KIF27: variants seen among roughly 807,000 people sequenced by gnomAD.
KIF27 encodes kinesin-like protein KIF27.
In KIF27, 84 loss-of-function variants were observed where a neutral mutation model predicts 141.8. That is an observed-to-expected ratio of 0.59 (90% CI 0.50 to 0.71). KIF27 has a LOEUF of 0.71. Among genes scored for constraint, KIF27 ranks in the 30% least tolerant of loss-of-function variants. The pLI, the probability that KIF27 is intolerant of heterozygous loss-of-function variation, is 0.00. For missense variants in KIF27, 1,306 were observed against 1,628.4 expected (o/e 0.80, Z 3.41); for synonymous variants, 471 against 569.5 (o/e 0.83, Z 2.46).
At chr9:83,868,988 T>C (rs2132022001) in intron 12 of KIF27, among the ~76,000 whole-genome samples, 1 of 151,966 alleles carries the variant, frequency 6.6e-6, no homozygotes, top group African/African-American at 2.4e-5. Flanking sequence ...TAGGAGATCC[T>C]AGGAAGTCTA....
intron 5 of KIF27, among the ~76,000 whole-genome samples, chr9:83,894,404 C>T (rs1368113925): frequency 2.0e-5 from 3 of 152,188 alleles, no homozygotes; most frequent in Admixed American, 1.3e-4. Context: ...TTTAGAAGAC[C>T]TGCTATGAGG....
chr9:83,881,943 C>T (rs72749124), intron 10 of KIF27, among the ~76,000 whole-genome samples: 1,775 of 152,232 alleles, frequency 0.012, 16 homozygotes, highest in Middle Eastern at 0.034. Flanking sequence ...GCATGTAACG[C>T]TCTACATATA....
At chr9:83,917,661 G>A (rs1236965729) in intron 1 of KIF27, among the ~76,000 whole-genome samples, 1 of 152,088 alleles carries the variant, frequency 6.6e-6, no homozygotes, top group Non-Finnish European at 1.5e-5. Flanking sequence ...CACATTCATG[G>A]GCAAGTGATT....
intron 7 of KIF27, 137 bp from the exon 8 acceptor site, chr9:83,888,729 C>G (rs1426671886): frequency 2.6e-6 from 1 of 388,256 alleles, no homozygotes; most frequent in Non-Finnish European, 4.4e-6. Context: ...TAATATTGCT[C>G]AAAATAAAAG....
intron 9 of KIF27, among the ~76,000 whole-genome samples, chr9:83,884,739 G>A (rs1177480475): frequency 1.3e-5 from 2 of 152,148 alleles, no homozygotes; most frequent in African/African-American, 4.8e-5. Flanking sequence ...GCCTCAAAAT[G>A]TGTCTCACAA....
rs1313017565 is a variant in KIF27 at position 83,834,915 on chromosome 9, G to GTA, written c.*2084_*2085dup. ...ATGTATAACCTATATCTATATACAAGTATATATATAATACTATATATATAC... is the reference window on the plus strand; with the variant it reads ...ATGTATAACCTATATCTATATACAAGTATATATATATAATACTATATATATAC... On this transcript the variant is annotated 3_prime_UTR_variant, in exon 18 of 18. Transcript: ENST00000297814. Among the ~76,000 whole-genome samples the GTA allele has an allele frequency of 4.1e-5, 6 of 148,102 alleles. No individual in the cohort carries two copies. Among genetic ancestry groups the GTA allele is most frequent in the Non-Finnish European group, 6.0e-5 (4 of 67,206 alleles).
intron 16 of KIF27, among the ~76,000 whole-genome samples, chr9:83,842,748 G>A (rs913351494): frequency 2.6e-5 from 4 of 152,168 alleles, no homozygotes; most frequent in African/African-American, 9.7e-5. Context: ...TTACAGACAT[G>A]AGCCACCGTG....
intron 3 of KIF27, 53 bp from the exon 4 acceptor site, chr9:83,904,071 T>A (rs544262964): frequency 1.4e-6 from 2 of 1,386,580 alleles, no homozygotes; most frequent in Non-Finnish European, 9.8e-7. Flanking sequence ...AAACCTAGTA[T>A]AGTTAACAGT....
At chr9:83,857,957 A>G (rs1486139409) in intron 14 of KIF27, among the ~76,000 whole-genome samples, 1 of 146,934 alleles carries the variant, frequency 6.8e-6, no homozygotes, top group African/African-American at 2.5e-5. Context: ...GGGAAACATA[A>G]TACTTTGGGT....
At chr9:83,871,363 C>T (rs144751592) in intron 11 of KIF27, among the ~76,000 whole-genome samples, 18 of 152,140 alleles carry the variant, frequency 1.2e-4, no homozygotes, top group African/African-American at 4.1e-4. Flanking sequence ...TGAGGCAATA[C>T]AACTGCAAAA....
chr9:83,865,926 C>A (rs1050433155), intron 13 of KIF27, among the ~76,000 whole-genome samples: 2 of 152,046 alleles, frequency 1.3e-5, no homozygotes, highest in Non-Finnish European at 1.5e-5. Context: ...TTAGATGTTT[C>A]AGAAAATATG....
At chr9:83,870,684 A>C in intron 11 of KIF27, 52 bp from the exon 12 acceptor site, 1 of 1,568,508 alleles carries the variant, frequency 6.4e-7, no homozygotes, top group South Asian at 1.2e-5. Flanking sequence ...CTGACCATTA[A>C]GTATGCTGAT....
At chr9:83,858,179 A>C (rs1385717908) in intron 14 of KIF27, 2 of 152,166 alleles carry the variant, frequency 1.3e-5, no homozygotes, top group Non-Finnish European at 2.9e-5. Flanking sequence ...AAAACAGGGC[A>C]ACAGAGGTCT....
In KIF27 at chr9:83,891,476, A is replaced by T. The variant is rs1407813175; in HGVS notation, c.1628T>A (p.Leu543His). 4.3e-6 allele frequency: 7 copies of T among 1,612,988 alleles called. No homozygotes were observed. In the Admixed American group the frequency reaches 1.0e-4, roughly 23 times the overall value. Residue 543 changes from leucine to histidine, a missense_variant, in exon 6 of 18, where the codon CTT (leucine) becomes CAT (histidine). Physicochemically the swap from Leu to His is moderately conservative, Grantham distance 99. Around this residue, in one of 4 missense-constraint regions of KIF27, gnomAD observed 596 missense variants for 751.6 expected, o/e 0.79. Transcript: ENST00000297814. ...LQNEKIIEQQLLVDQLSEELT... is the reference protein window; with the variant it reads ...LQNEKIIEQQHLVDQLSEELT... ...TTCTTCACTCAGTTGATCCACAAGA[A>T]GTTGTTGTTCTATTATTTTTTCATT...
In KIF27 at chr9:83,875,073, G is replaced by C. The variant is rs191482768; in HGVS notation, c.2644-4441C>G. On this transcript the variant is annotated intron_variant, in intron 11 of 17. Transcript: ENST00000297814. ...TAAGCATGGATTTAGAGAGTGCTATGTCTTGCTGGTTTAAGCCATGGCCTA... is the reference window on the plus strand; with the variant it reads ...TAAGCATGGATTTAGAGAGTGCTATCTCTTGCTGGTTTAAGCCATGGCCTA... 2.0e-5 allele frequency among the ~76,000 whole-genome samples: 3 copies of C among 152,052 alleles called. No individual in the cohort carries two copies. The East Asian group carries it at 5.8e-4, about 29-fold the overall frequency.
At chr9:83,878,272 A>G (rs1412743409) in intron 11 of KIF27, among the ~76,000 whole-genome samples, 3 of 151,840 alleles carry the variant, frequency 2.0e-5, no homozygotes, top group Admixed American at 2.0e-4. Context: ...AAAAGTGAGG[A>G]GAAATTAGAA....
chr9:83,915,693 T>C lies in KIF27; in HGVS notation c.-87-15A>G. ...GATCTGGATTCCTGTGCAACAAAAA[T>C]AAAAAGCAAATTTTAATTACTGATT... On this transcript the variant is annotated splice_polypyrimidine_tract_variant and intron_variant, in intron 1 of 17. Coordinates refer to ENST00000297814, the MANE Select transcript of KIF27 (RefSeq NM_017576.4). 8.2e-7 allele frequency: 1 copy of C among 1,226,182 alleles called. No homozygotes were observed. 76.0% of individuals were successfully genotyped at this position (1,226,182 alleles called of 1,614,324 possible).
chr9:83,921,145 C>A (rs1352390906), intron 1 of KIF27, among the ~76,000 whole-genome samples: 2 of 152,106 alleles, frequency 1.3e-5, no homozygotes, highest in Non-Finnish European at 2.9e-5. Context: ...CGGCTCCCAG[C>A]CCCGACCCCA....
At position 83,867,807 on chromosome 9, in the gene KIF27, G is replaced by A. The variant is rs148928474; in HGVS notation, c.2811C>T (p.Asn937=). The part of the protein sequence containing the change: ...WLDEEVEKVL[N]QRQELEELEA... ...CCAGCTCCTCTAATTCTTGGCGTTGGTTCAGAACTTTCTCTACTTCTTCAT... is the reference window on the plus strand; with the variant it reads ...CCAGCTCCTCTAATTCTTGGCGTTGATTCAGAACTTTCTCTACTTCTTCAT... Residue 937 remains asparagine (N), a synonymous_variant, in exon 13 of 18, where the codon AAC becomes AAT. Transcript: ENST00000297814. 1.5e-5 allele frequency: 24 copies of A among 1,611,834 alleles called. No individual in the cohort carries two copies. In the African/African-American group the frequency reaches 2.9e-4, roughly 20 times the overall value.
Sources: allele counts gnomAD v4.1 joint callset (sites outside exome capture counted in the v4.1 genomes callset), GRCh38; gene constraint gnomAD v4.1.1; regional missense constraint gnomAD v4.1.1; transcripts MANE v1.5; gene names NCBI Gene and HGNC (gene_info 2026-07-23, HGNC 2026-07-21).